GRIK5: variants seen among roughly 807,000 people sequenced by gnomAD.
The protein encoded by GRIK5 is glutamate receptor ionotropic, kainate 5.
In GRIK5, 43 loss-of-function variants were observed where a neutral mutation model predicts 97.4. That is an observed-to-expected ratio of 0.44 (90% CI 0.35 to 0.57). GRIK5 has a LOEUF of 0.57. Ranked by LOEUF, GRIK5 falls within the 20% of genes least tolerant of loss-of-function variation. The probability of loss-of-function intolerance (pLI) is 0.01; values close to 1 mark genes in which losing one functional copy is unlikely to be tolerated. For synonymous variants in GRIK5, 580 were observed against 583.5 expected (o/e 0.99, Z 0.09); for missense variants, 1,015 against 1,382.0 (o/e 0.73, Z 4.21).
At chr19:42,061,990 C>T (rs1303831430) in intron 5 of GRIK5, among the ~76,000 whole-genome samples, 3 of 152,234 alleles carry the variant, frequency 2.0e-5, no homozygotes, top group African/African-American at 7.2e-5. Context: ...CCTGGGCCCT[C>T]TACCTCTGCC....
chr19:42,031,447 G>A (rs1324532478), intron 12 of GRIK5, among the ~76,000 whole-genome samples: 2 of 152,186 alleles, frequency 1.3e-5, no homozygotes, highest in Non-Finnish European at 2.9e-5. Context: ...GCTACCATGT[G>A]TGTCTATTCC....
chr19:42,028,359 G>A (rs533798605), intron 12 of GRIK5, among the ~76,000 whole-genome samples: 21 of 152,242 alleles, frequency 1.4e-4, no homozygotes, highest in African/African-American at 5.1e-4. Context: ...ACCCTGTTCT[G>A]TGTAAACCAT....
intron 11 of GRIK5, among the ~76,000 whole-genome samples, chr19:42,052,641 G>A (rs927051613): frequency 1.3e-5 from 2 of 152,212 alleles, no homozygotes; most frequent in African/African-American, 4.8e-5. Flanking sequence ...GTTACTGAGC[G>A]GCTCCCTCAC....
At chr19:42,015,531 T>A (rs185292223) in intron 15 of GRIK5, among the ~76,000 whole-genome samples, 14 of 152,342 alleles carry the variant, frequency 9.2e-5, no homozygotes, top group Admixed American at 2.0e-4. Context: ...GTCTTCTCCA[T>A]CAATGCCTTG....
Position 42,021,581 on chromosome 19 carries a change from G to A in GRIK5, c.1698-107C>T. 1 of 884,672 alleles carries A rather than the reference G, an allele frequency of 1.1e-6. No homozygotes were observed. Among genetic ancestry groups the A allele is most frequent in the Admixed American group, 3.0e-5 (1 of 32,974 alleles). 54.8% of individuals were successfully genotyped at this position (884,672 alleles called of 1,614,324 possible). ...TGATCAGAAGAAAGGGGGAGAGATG[G>A]AAAAAGGAGCAAGATGGACAGAAGC... On this transcript the variant is annotated intron_variant, in intron 14 of 19. Transcript: ENST00000593562. The surrounding 1 kb of genome is among the most constrained non-coding windows in gnomAD (Gnocchi z 4.2).
intron 9 of GRIK5, 109 bp from the exon 10 acceptor site, chr19:42,054,038 G>T: frequency 2.7e-6 from 2 of 744,764 alleles, no homozygotes; most frequent in Admixed American, 4.5e-5. Context: ...ACAGACCGGG[G>T]TGGAGGGGAC....
Position 42,059,440 on chromosome 19 carries a change from G to C in GRIK5, c.596C>G (p.Pro199Arg). The C allele has an allele frequency of 6.2e-7, 1 of 1,613,918 alleles. No homozygotes were observed. Among genetic ancestry groups the C allele is most frequent in the African/African-American group, 1.3e-5 (1 of 74,998 alleles). Reference protein sequence around the residue: ...SVRMLDDSRDPTPLLKEIRDD... With the variant: ...SVRMLDDSRDRTPLLKEIRDD... ...ACGGATCTCCTTGAGCAGTGGTGTG[G>C]GGTCCCGGCTGTCGTCCAACATCCT... The change falls in exon 6 of 20, where the codon CCC becomes CGC. Residue 199 changes from proline to arginine, a missense_variant. By Grantham distance (103) the Pro-to-Arg change is moderately radical. Coordinates refer to ENST00000593562, the MANE Select transcript of GRIK5 (RefSeq NM_002088.5).
chr19:42,011,136 C>A (rs532875188), intron 15 of GRIK5, among the ~76,000 whole-genome samples: 3 of 152,040 alleles, frequency 2.0e-5, no homozygotes, highest in African/African-American at 7.2e-5. Flanking sequence ...CACACACACA[C>A]ACACACCCCT....
chr19:42,035,099 C>A (rs1380147112), intron 12 of GRIK5, among the ~76,000 whole-genome samples: 1 of 152,136 alleles, frequency 6.6e-6, no homozygotes, highest in African/African-American at 2.4e-5. Flanking sequence ...CTGCCTCAGC[C>A]CCCTGAGTAG....
chr19:42,017,068 T>C (rs2075633697), intron 15 of GRIK5, among the ~76,000 whole-genome samples: 1 of 152,204 alleles, frequency 6.6e-6, no homozygotes, highest in African/African-American at 2.4e-5. Flanking sequence ...GGGGAAATCA[T>C]CTGTCTCTGA....
At position 42,002,517 on chromosome 19, in the gene GRIK5, C is replaced by A; in HGVS notation, c.2514+815G>T. 1 of 707,730 alleles carries A rather than the reference C, an allele frequency of 1.4e-6. No homozygotes were observed. 43.8% of individuals were successfully genotyped at this position (707,730 alleles called of 1,614,324 possible). ...GAGTCCTTGGGCCAAGTGCAGAACA[C>A]TGGCAGGCAGCTGGATGCAGAGCTG... is the stretch of plus-strand genomic sequence containing the variant. On this transcript the variant is annotated intron_variant, in intron 19 of 19. Transcript: ENST00000593562. The surrounding 1 kb of genome is among the most constrained non-coding windows in gnomAD (Gnocchi z 5.2).
chr19:42,064,963 G>C (rs1163226589), intron 3 of GRIK5, among the ~76,000 whole-genome samples: 2 of 152,208 alleles, frequency 1.3e-5, no homozygotes, highest in African/African-American at 2.4e-5. Context: ...AGCATCCCCA[G>C]CCAGCTGGGA....
chr19:42,044,355 T>C (rs2076017224), intron 11 of GRIK5, among the ~76,000 whole-genome samples: 1 of 152,264 alleles, frequency 6.6e-6, no homozygotes, highest in African/African-American at 2.4e-5. Context: ...TTAAATGTTC[T>C]GCAGGCCAAA....
At chr19:42,053,778 C>G (rs377371262) in intron 10 of GRIK5, 47 bp downstream of exon 10, 1 of 1,554,510 alleles carries the variant, frequency 6.4e-7, no homozygotes. Flanking sequence ...GGGCCCGCCC[C>G]CACCCTCACC....
intron 11 of GRIK5, among the ~76,000 whole-genome samples, chr19:42,043,352 G>C (rs1023492297): frequency 7.3e-5 from 11 of 151,332 alleles, no homozygotes; most frequent in Admixed American, 5.9e-4. Context: ...TTTAGCTCCA[G>C]TCCAATTCCC....
chr19:42,005,756 CGAG>C lies in GRIK5; in HGVS notation c.2227_2229del (p.Leu743del). On this transcript the variant is annotated inframe_deletion, in exon 17 of 20. Transcript: ENST00000593562. ...ATGCCAATGCCGTAGCCCTTGGTGT[CGAG>C]GAGTCCCCCGATCTGGGTGAGGTTG... The C allele has an allele frequency of 6.2e-7, 1 of 1,613,844 alleles. No individual in the cohort carries two copies. Among genetic ancestry groups the C allele is most frequent in the Non-Finnish European group, 8.5e-7 (1 of 1,179,758 alleles).
intron 15 of GRIK5, among the ~76,000 whole-genome samples, chr19:42,019,898 A>C (rs143151443): frequency 6.6e-6 from 1 of 152,274 alleles, no homozygotes; most frequent in East Asian, 1.9e-4. Context: ...CTATAGGATA[A>C]TGTGTATTGT....
chr19:42,003,379 C>T lies in GRIK5; in HGVS notation c.2467G>A (p.Val823Ile). 6.2e-7 allele frequency: 1 copy of T among 1,613,698 alleles called. No homozygotes were observed. ...CGTGTGGACCATATGAATTCCATGA[C>T]CGCCACGAAGACAGCAATGATGAGG... Reference protein sequence around the residue: ...CGLIIAVFVAVMEFIWSTRRS... With the variant: ...CGLIIAVFVAIMEFIWSTRRS... Residue 823 changes from valine to isoleucine, a missense_variant, in exon 19 of 20, where the codon GTC (valine) becomes ATC (isoleucine). Val to Ile is a conservative substitution (Grantham distance 29, BLOSUM62 3). Around this residue, in one of 5 missense-constraint regions of GRIK5, gnomAD observed 229 missense variants for 341.0 expected, o/e 0.67. Transcript: ENST00000593562. The surrounding 1 kb of genome is among the most constrained non-coding windows in gnomAD (Gnocchi z 4.2).
rs1301702266 is a variant in GRIK5 at position 42,021,992 on chromosome 19, A to G, written c.1652T>C (p.Leu551Pro). 1 of 1,614,044 alleles carries G rather than the reference A, an allele frequency of 6.2e-7. No individual in the cohort carries two copies. The highest frequency in any genetic ancestry group is 8.5e-7 in the Non-Finnish European group (1 of 1,179,916). The change falls in exon 14 of 20, where the codon CTT (leucine) becomes CCT (proline). Residue 551 changes from leucine (L) to proline (P), a missense_variant. Leu to Pro is a moderately conservative substitution (Grantham distance 98, BLOSUM62 -3). Transcript: ENST00000593562. The surrounding 1 kb of genome is among the most constrained non-coding windows in gnomAD (Gnocchi z 4.2). ...PFSPAVWLFM[L>P]LAYLAVSCVL... The stretch of plus-strand genomic sequence containing the variant: ...GCAGCTGACAGCCAGGTAGGCAAGA[A>G]GCATGAAGAGCCACACAGCAGGGGA...
Sources: allele counts gnomAD v4.1 joint callset (sites outside exome capture counted in the v4.1 genomes callset), GRCh38; gene constraint gnomAD v4.1.1; regional missense constraint gnomAD v4.1.1; non-coding constraint Gnocchi (gnomAD v3.1); transcripts MANE v1.5; gene names NCBI Gene and HGNC (gene_info 2026-07-23, HGNC 2026-07-21).